Variants in ABI1 observed in about 807,000 individuals in gnomAD.
ABI1 encodes the protein abl interactor 1, also known as Abelson interactor 1.
In ABI1, 14 loss-of-function variants were observed where a neutral mutation model predicts 54.6. That is an observed-to-expected ratio of 0.26 (90% CI 0.17 to 0.40). ABI1 has a LOEUF of 0.40. Ranked by LOEUF, ABI1 falls within the 10% of genes least tolerant of loss-of-function variation. The probability of loss-of-function intolerance (pLI) is 1.00; values close to 1 mark genes in which losing one functional copy is unlikely to be tolerated. For synonymous variants in ABI1, 194 were observed against 209.3 expected (o/e 0.93, Z 0.63); for missense variants, 443 against 598.3 (o/e 0.74, Z 2.71).
At chr10:26,768,779 C>T (rs1345817472) in intron 6 of ABI1, 73 bp downstream of exon 6, 1 of 1,350,500 alleles carries the variant, frequency 7.4e-7, no homozygotes, top group African/African-American at 1.5e-5. Flanking sequence ...TTACTCAGCA[C>T]CTCCATAGGA....
intron 1 of ABI1, among the ~76,000 whole-genome samples, chr10:26,850,974 T>C (rs2050338730): frequency 6.6e-6 from 1 of 151,630 alleles, no homozygotes. Context: ...CAGAGAGTAA[T>C]AGGAAAAGCA....
chr10:26,804,170 G>A (rs975679163), intron 2 of ABI1, among the ~76,000 whole-genome samples: 4 of 151,996 alleles, frequency 2.6e-5, no homozygotes, highest in African/African-American at 9.7e-5. Context: ...ATCACCTGGG[G>A]TCAGGACTTT....
At chr10:26,843,613 T>G (rs2049755165) in intron 1 of ABI1, among the ~76,000 whole-genome samples, 1 of 150,384 alleles carries the variant, frequency 6.6e-6, no homozygotes, top group African/African-American at 2.4e-5. Context: ...CACACATTCT[T>G]CCCACCTTGC....
At chr10:26,835,512 C>T (rs931316656) in intron 1 of ABI1, among the ~76,000 whole-genome samples, 3 of 151,800 alleles carry the variant, frequency 2.0e-5, no homozygotes, top group African/African-American at 7.3e-5. Flanking sequence ...AAGGTTGAGG[C>T]TGCAGTAAGC....
chr10:26,851,933 T>C (rs1175945998), intron 1 of ABI1, among the ~76,000 whole-genome samples: 6 of 152,056 alleles, frequency 3.9e-5, no homozygotes, highest in Non-Finnish European at 8.8e-5. Flanking sequence ...GGTTATCTAG[T>C]GGGATTGCCT....
Position 26,751,538 on chromosome 10 carries a change from G to A in ABI1, c.1270+60C>T, listed in dbSNP as rs139017043. 3,421 of 1,527,188 alleles carry A rather than the reference G, an allele frequency of 2.2e-3. 61 individuals are homozygous for A. The Admixed American group carries it at 0.035, about 16-fold the overall frequency. 94.6% of individuals were successfully genotyped at this position (1,527,188 alleles called of 1,614,324 possible). On this transcript the variant is annotated intron_variant, in intron 10 of 10. Coordinates refer to ENST00000376140, the MANE Select transcript of ABI1 (RefSeq NM_001012750.3). ...AACATTGGATTAGATGTTCTTTATA[G>A]TTCTAAATTTCTACAATTAGGTTAT...
chr10:26,755,934 C>T (rs2132478745), intron 8 of ABI1, among the ~76,000 whole-genome samples, 193 bp from the exon 9 acceptor site: 1 of 152,282 alleles, frequency 6.6e-6, no homozygotes, highest in East Asian at 1.9e-4. Flanking sequence ...ACAAGCAAAC[C>T]TAAAGGCCAA....
intron 7 of ABI1, among the ~76,000 whole-genome samples, chr10:26,763,173 A>C (rs1009737894): frequency 4.6e-5 from 7 of 152,128 alleles, no homozygotes; most frequent in African/African-American, 1.7e-4. Flanking sequence ...TGTTTGGAAA[A>C]GATGTTGTTA....
At position 26,751,694 on chromosome 10, in the gene ABI1, C is replaced by CTGG. The variant is rs201804543; in HGVS notation, c.1171_1173dup (p.Pro391dup). ...GCAGCCTCCTCATCTTCATAATCCACTGGTGGTGGTGGTGGGGGAGGTGGA... is the reference window on the plus strand; with the variant it reads ...GCAGCCTCCTCATCTTCATAATCCACTGGTGGTGGTGGTGGTGGGGGAGGTGGA... On this transcript the variant is annotated inframe_insertion, in exon 10 of 11. Coordinates refer to ENST00000376140, the MANE Select transcript of ABI1 (RefSeq NM_001012750.3). 64 of 1,613,700 alleles carry CTGG rather than the reference C, an allele frequency of 4.0e-5. 1 individual carries two copies. Among genetic ancestry groups the CTGG allele is most frequent in the South Asian group, 2.6e-4 (24 of 91,042 alleles).
intron 3 of ABI1, among the ~76,000 whole-genome samples, chr10:26,773,929 C>T (rs1366342058): frequency 1.3e-5 from 2 of 152,022 alleles, no homozygotes; most frequent in Admixed American, 6.5e-5. Context: ...CTTTTAAGAC[C>T]AATAATAAAA....
At chr10:26,839,289 G>A (rs2049313356) in intron 1 of ABI1, among the ~76,000 whole-genome samples, 1 of 152,094 alleles carries the variant, frequency 6.6e-6, no homozygotes, top group African/African-American at 2.4e-5. Flanking sequence ...TTGAGCTAAG[G>A]AGTTCGAGAC....
chr10:26,756,822 A>T (rs889483704), intron 8 of ABI1, among the ~76,000 whole-genome samples: 3 of 152,208 alleles, frequency 2.0e-5, no homozygotes, highest in Non-Finnish European at 4.4e-5. Context: ...ATTAATCAAA[A>T]GGTTGTTTCA....
chr10:26,771,405 T>G (rs1205133369), intron 3 of ABI1, among the ~76,000 whole-genome samples: 2 of 152,186 alleles, frequency 1.3e-5, no homozygotes, highest in Non-Finnish European at 2.9e-5. Context: ...CAGATGATTT[T>G]AAAAATACGC....
At chr10:26,830,631 A>AC (rs1252746887) in intron 1 of ABI1, among the ~76,000 whole-genome samples, 9 of 151,788 alleles carry the variant, frequency 5.9e-5, no homozygotes, top group Non-Finnish European at 1.3e-4. Flanking sequence ...CTTTAAAAAA[A>AC]AAAAAAAAAA....
intron 2 of ABI1, among the ~76,000 whole-genome samples, chr10:26,815,260 G>C (rs1231535692): frequency 6.6e-6 from 1 of 151,996 alleles, no homozygotes; most frequent in African/African-American, 2.4e-5. Flanking sequence ...CTGCATTTAA[G>C]AGTTCCAAGT....
chr10:26,794,279 G>C (rs1027469133), intron 2 of ABI1, among the ~76,000 whole-genome samples: 1 of 151,956 alleles, frequency 6.6e-6, no homozygotes. Context: ...CATTAGCCAG[G>C]CATGGTGGCT....
intron 1 of ABI1, among the ~76,000 whole-genome samples, chr10:26,838,528 C>T (rs1589037943): frequency 6.6e-6 from 1 of 152,266 alleles, no homozygotes; most frequent in East Asian, 1.9e-4. Context: ...TCCAGAAATA[C>T]TATAGGCCCT....
At chr10:26,759,843 A>G (rs180687689) in intron 7 of ABI1, among the ~76,000 whole-genome samples, 1 of 152,238 alleles carries the variant, frequency 6.6e-6, no homozygotes, top group Admixed American at 6.5e-5. Context: ...AATCATTTTT[A>G]AGAAATGTGC....
intron 9 of ABI1, among the ~76,000 whole-genome samples, chr10:26,752,125 C>G (rs1272094147): frequency 6.6e-6 from 1 of 152,128 alleles, no homozygotes; most frequent in African/African-American, 2.4e-5. Context: ...ATCTATGTCA[C>G]TTTTGTCATT....
Sources: gnomAD v4.1 joint callset for allele counts (sites outside exome capture counted in the v4.1 genomes callset) on GRCh38, gnomAD v4.1.1 for gene constraint, MANE v1.5 for transcripts, NCBI Gene and HGNC (gene_info 2026-07-23, HGNC 2026-07-21) for gene names.